Variants in CORO1C observed in about 807,000 individuals in gnomAD.
CORO1C encodes the protein coronin-1C.
Under a neutral mutation model 51.2 loss-of-function variants are expected in CORO1C, and 14 were observed. The observed-to-expected ratio is 0.27, with a 90% CI of 0.18 to 0.43. The LOEUF (loss-of-function observed/expected upper bound fraction) is 0.43, where lower values mean the gene tolerates loss of function less well. Among genes scored for constraint, CORO1C ranks in the 20% least tolerant of loss-of-function variants. The probability of loss-of-function intolerance (pLI) is 1.00; values close to 1 mark genes in which losing one functional copy is unlikely to be tolerated. For synonymous variants in CORO1C, 181 were observed against 210.5 expected, an observed-to-expected ratio of 0.86 and a Z score of 1.21; for missense variants, 417 against 607.8, an observed-to-expected ratio of 0.69 and a Z score of 3.30.
chr12:108,665,421 C>CAATA (rs1213455423), intron 3 of CORO1C, among the ~76,000 whole-genome samples: 12 of 152,034 alleles, frequency 7.9e-5, no homozygotes, highest in Admixed American at 6.5e-4. Flanking sequence ...TATTGAGTTA[C>CAATA]AATAAATTGT....
In CORO1C at chr12:108,658,678, A is replaced by G. The variant is rs903274820; in HGVS notation, c.630+60T>C. On this transcript the variant is annotated intron_variant, in intron 5 of 10. Transcript: ENST00000261401. The surrounding 1 kb of genome is among the most constrained non-coding windows in gnomAD (Gnocchi z 4.9). ...AGTACCGCTGCCTGCCTTAAAAAGC[A>G]GAAAGCTCACACTCACTCAAGTGCT... 5.1e-6 allele frequency: 8 copies of G among 1,561,054 alleles called. No individual in the cohort carries two copies. The highest frequency in any genetic ancestry group is 6.2e-6 in the Non-Finnish European group (7 of 1,137,934).
At position 108,708,462 on chromosome 12, in the gene CORO1C, GT is replaced by G. The variant is rs370271921; in HGVS notation, c.-5-7140del. On this transcript the variant is annotated intron_variant, in intron 1 of 10. Transcript: ENST00000261401. Reference sequence around the variant, plus strand: ...GAAAGTAGATTCATGGTTGCTTAGAGTTTTTTTTTTTTTTTCTGAGATGGAG... The same window carrying G: ...GAAAGTAGATTCATGGTTGCTTAGAGTTTTTTTTTTTTTTCTGAGATGGAG... Among the ~76,000 whole-genome samples the G allele has an allele frequency of 1.1e-3, 163 of 143,698 alleles. 1 individual carries two copies. The highest frequency in any genetic ancestry group is 2.4e-3 in the African/African-American group (94 of 39,472). The allele number at this position is 143,698 out of a possible 152,430, so 94.3% of individuals were successfully genotyped here.
At chr12:108,705,501 G>T (rs1292546262) in intron 1 of CORO1C, among the ~76,000 whole-genome samples, 1 of 132,810 alleles carries the variant, frequency 7.5e-6, no homozygotes, top group African/African-American at 2.8e-5. Context: ...ACCAACCACA[G>T]ACAAGAAAGC....
At chr12:108,725,386 C>T (rs2035563451) in intron 1 of CORO1C, among the ~76,000 whole-genome samples, 1 of 152,224 alleles carries the variant, frequency 6.6e-6, no homozygotes, top group Non-Finnish European at 1.5e-5. Flanking sequence ...GTATTCAGTA[C>T]CTACTCTGTA....
intron 1 of CORO1C, among the ~76,000 whole-genome samples, chr12:108,723,058 T>C (rs1462612573): frequency 1.3e-5 from 2 of 152,226 alleles, no homozygotes; most frequent in African/African-American, 2.4e-5. Flanking sequence ...CAAAGAACTG[T>C]GGCCAGCCCT....
intron 3 of CORO1C, 112 bp downstream of exon 3, chr12:108,678,160 T>A (rs1592889775): frequency 2.3e-6 from 2 of 876,686 alleles, no homozygotes; most frequent in Non-Finnish European, 3.3e-6. Context: ...AAAACTGCTA[T>A]AACGTTCTGC....
intron 1 of CORO1C, among the ~76,000 whole-genome samples, chr12:108,727,559 T>C (rs80228696): frequency 3.3e-5 from 5 of 152,196 alleles, no homozygotes; most frequent in Non-Finnish European, 5.9e-5. Context: ...CCAGAGGATT[T>C]GAACAGGTGA....
intron 2 of CORO1C, among the ~76,000 whole-genome samples, chr12:108,689,932 T>A (rs1429163058): frequency 6.6e-6 from 1 of 152,208 alleles, no homozygotes; most frequent in Admixed American, 6.5e-5. Context: ...GCATAAGGGC[T>A]CCATTCACAC....
chr12:108,652,477 G>A (rs566923754), intron 7 of CORO1C, 60 bp from the exon 8 acceptor site: 2 of 1,432,104 alleles, frequency 1.4e-6, no homozygotes, highest in East Asian at 4.6e-5. Context: ...TGGATTATGG[G>A]GGTGTCTCTC....
rs1443162155 is a variant in CORO1C, at chr12:108,718,848, T to A, written c.-6+12581A>T. Reference sequence around the variant, plus strand: ...ATTTAACTCACTGGAGATAATGTAGTTACTACCAAATACTTTACCACCATT... The same window carrying A: ...ATTTAACTCACTGGAGATAATGTAGATACTACCAAATACTTTACCACCATT... On this transcript the variant is annotated intron_variant, in intron 1 of 10. Transcript: ENST00000261401. 2.0e-5 allele frequency among the ~76,000 whole-genome samples: 3 copies of A among 152,298 alleles called. No individual in the cohort carries two copies. In the East Asian group the frequency reaches 5.8e-4, roughly 29 times the overall value.
In CORO1C at chr12:108,678,404, G is replaced by T; in HGVS notation, c.196-10C>A. The T allele has an allele frequency of 6.4e-7, 1 of 1,566,070 alleles. No homozygotes were observed. Among genetic ancestry groups the T allele is most frequent in the Non-Finnish European group, 8.7e-7 (1 of 1,153,514 alleles). ...TGTCAATTCGACCAGTCTGAAAGAA[G>T]AGAGAAACAAACCTATTATGTAATA... On this transcript the variant is annotated splice_polypyrimidine_tract_variant and intron_variant, in intron 2 of 10. Coordinates refer to ENST00000261401, the MANE Select transcript of CORO1C (RefSeq NM_014325.4).
chr12:108,702,774 T>C (rs887052422), intron 1 of CORO1C: 1 of 1,491,294 alleles, frequency 6.7e-7, no homozygotes, highest in East Asian at 2.5e-5. Flanking sequence ...GAGACGAATT[T>C]ATTTTTGCCA....
chr12:108,671,164 G>A (rs115478623), intron 3 of CORO1C, among the ~76,000 whole-genome samples: 1,911 of 151,950 alleles, frequency 0.013, 33 homozygotes, highest in African/African-American at 0.042. Context: ...GAGAAACCTC[G>A]TCTCTACAAA....
chr12:108,697,971 G>A (rs545503635), intron 2 of CORO1C, among the ~76,000 whole-genome samples: 67 of 152,308 alleles, frequency 4.4e-4, no homozygotes, highest in Non-Finnish European at 8.4e-4. Flanking sequence ...GAGAAATGTA[G>A]GTTTTCTGAT....
chr12:108,712,698 T>C (rs534199840), intron 1 of CORO1C, among the ~76,000 whole-genome samples: 44 of 151,132 alleles, frequency 2.9e-4, no homozygotes, highest in Admixed American at 7.9e-4. Context: ...ATATAAAAAT[T>C]TGGCCGGGCA....
intron 2 of CORO1C, among the ~76,000 whole-genome samples, chr12:108,695,937 G>A (rs2034664742): frequency 6.7e-6 from 1 of 148,782 alleles, no homozygotes; most frequent in Non-Finnish European, 1.5e-5. Context: ...ATGAAAAACT[G>A]CAAAATGAGT....
At chr12:108,662,269 T>A in intron 3 of CORO1C, 111 bp from the exon 4 acceptor site, 1 of 881,918 alleles carries the variant, frequency 1.1e-6, no homozygotes, top group South Asian at 1.5e-5. Flanking sequence ...GAACATAGAG[T>A]GATATCTGGA....
At chr12:108,722,547 T>G (rs2035496596) in intron 1 of CORO1C, among the ~76,000 whole-genome samples, 1 of 152,162 alleles carries the variant, frequency 6.6e-6, no homozygotes, top group African/African-American at 2.4e-5. Flanking sequence ...CCATAAACAA[T>G]TTCAAAAACT....
At position 108,701,104 on chromosome 12, in the gene CORO1C, T is replaced by C. The variant is rs778834106; in HGVS notation, c.195+20A>G. The C allele has an allele frequency of 1.2e-6, 2 of 1,612,986 alleles. No homozygotes were observed. The highest frequency in any genetic ancestry group is 1.7e-6 in the Non-Finnish European group (2 of 1,179,104). On this transcript the variant is annotated intron_variant, in intron 2 of 10. Transcript: ENST00000261401. ...GACTATCAGAGGGTGTCTACCAGAATGGAAGATCAAATTACCTACCTTGTG... is the reference window on the plus strand; with the variant it reads ...GACTATCAGAGGGTGTCTACCAGAACGGAAGATCAAATTACCTACCTTGTG...
Sources: gnomAD v4.1 joint callset for allele counts (sites outside exome capture counted in the v4.1 genomes callset) on GRCh38, gnomAD v4.1.1 for gene constraint, Gnocchi (gnomAD v3.1) non-coding constraint, MANE v1.5 for transcripts, NCBI Gene and HGNC (gene_info 2026-07-23, HGNC 2026-07-21) for gene names.